MGAT5: variants seen among roughly 807,000 people sequenced by gnomAD.
MGAT5 encodes the protein alpha-1,6-mannosylglycoprotein 6-beta-N-acetylglucosaminyltransferase A.
Under a neutral mutation model 94.3 loss-of-function variants are expected in MGAT5, and 30 were observed. The ratio of observed to expected loss-of-function variants is 0.32; its 90% CI spans 0.24 to 0.43. The LOEUF is 0.43. MGAT5 is among the 20% of genes least tolerant of loss of function. The pLI, the probability that MGAT5 is intolerant of heterozygous loss-of-function variation, is 1.00. For missense variants in MGAT5, 691 were observed against 905.5 expected (o/e 0.76, Z 3.04); for synonymous variants, 310 against 322.9 (o/e 0.96, Z 0.43).
At chr2:134,197,153 A>G (rs931940905) in intron 1 of MGAT5, among the ~76,000 whole-genome samples, 5 of 152,074 alleles carry the variant, frequency 3.3e-5, no homozygotes, top group Non-Finnish European at 7.4e-5. Context: ...GCCTTTAGGA[A>G]CTCTGCAGAT....
At chr2:134,134,341 A>G (rs1686310323) in intron 1 of MGAT5, among the ~76,000 whole-genome samples, 1 of 152,044 alleles carries the variant, frequency 6.6e-6, no homozygotes, top group Non-Finnish European at 1.5e-5. Flanking sequence ...GAAGGAGAGA[A>G]CTCACATTAG....
At chr2:134,443,699 C>T (rs139336022) in intron 15 of MGAT5, among the ~76,000 whole-genome samples, 2 of 152,284 alleles carry the variant, frequency 1.3e-5, no homozygotes, top group African/African-American at 4.8e-5. Flanking sequence ...AGTTCCACAG[C>T]GCAAATCTTG....
intron 10 of MGAT5, among the ~76,000 whole-genome samples, chr2:134,365,105 G>A (rs1360843387): frequency 6.6e-6 from 1 of 152,134 alleles, no homozygotes; most frequent in Non-Finnish European, 1.5e-5. Context: ...GGGAGGTTTA[G>A]GATTGCAACT....
chr2:134,156,236 T>G (rs1198705695), intron 1 of MGAT5, among the ~76,000 whole-genome samples: 6 of 152,200 alleles, frequency 3.9e-5, no homozygotes, highest in Non-Finnish European at 8.8e-5. Context: ...AATACATTTC[T>G]AGGTCACAGG....
chr2:134,381,482 GAA>G (rs1681607638), intron 10 of MGAT5, among the ~76,000 whole-genome samples: 6 of 138,974 alleles, frequency 4.3e-5, no homozygotes, highest in African/African-American at 7.7e-5. Flanking sequence ...GGTAGGTAGA[GAA>G]ATAGACAGAC....
chr2:134,139,372 G>A (rs1686562763), intron 1 of MGAT5, among the ~76,000 whole-genome samples: 1 of 151,642 alleles, frequency 6.6e-6, no homozygotes, highest in Non-Finnish European at 1.5e-5. Flanking sequence ...TACTACTCTT[G>A]TTTTTAGCAC....
chr2:134,398,707 AG>A (rs1682855866), intron 10 of MGAT5, among the ~76,000 whole-genome samples: 1 of 151,246 alleles, frequency 6.6e-6, no homozygotes, highest in South Asian at 2.1e-4. Context: ...GAATGGATAA[AG>A]AAAATATGTA....
chr2:134,252,138 GC>G (rs1682644364), upstream of MGAT5, among the ~76,000 whole-genome samples: 1 of 152,158 alleles, frequency 6.6e-6, no homozygotes, highest in African/African-American at 2.4e-5. Flanking sequence ...AACACTGCAG[GC>G]TGGAGCCCTG....
chr2:134,133,659 G>A (rs754822874), intron 1 of MGAT5, among the ~76,000 whole-genome samples: 12 of 152,196 alleles, frequency 7.9e-5, no homozygotes, highest in Non-Finnish European at 1.5e-4. Flanking sequence ...AGAGAAACTG[G>A]GTTGCAGCAG....
chr2:134,217,238 G>GGTGTGTGTGT (rs35795776), intron 1 of MGAT5, among the ~76,000 whole-genome samples: 5,251 of 145,164 alleles, frequency 0.036, 147 homozygotes, highest in South Asian at 0.065. Context: ...GAGAGAGAGT[G>GGTGTGTGTGT]GTGTGTGTGT....
intron 1 of MGAT5, among the ~76,000 whole-genome samples, chr2:134,218,327 G>A (rs1236644856): frequency 1.3e-5 from 2 of 149,354 alleles, no homozygotes; most frequent in African/African-American, 5.1e-5. Context: ...TTAATTCAAC[G>A]TATCAGTTAA....
chr2:134,254,818 G>A (rs1682831685), intron 1 of MGAT5, among the ~76,000 whole-genome samples, 174 bp downstream of exon 1: 1 of 152,164 alleles, frequency 6.6e-6, no homozygotes, highest in Admixed American at 6.5e-5. Flanking sequence ...GCCATTTTGG[G>A]GGTTCTGAGC....
At chr2:134,208,243 AGT>A (rs1680115682) in intron 1 of MGAT5, among the ~76,000 whole-genome samples, 1 of 152,014 alleles carries the variant, frequency 6.6e-6, no homozygotes, top group Non-Finnish European at 1.5e-5. Flanking sequence ...TATTTTCTTC[AGT>A]TTATCCTGCA....
chr2:134,307,675 C>A (rs1686414237), intron 2 of MGAT5, among the ~76,000 whole-genome samples: 1 of 152,148 alleles, frequency 6.6e-6, no homozygotes, highest in South Asian at 2.1e-4. Flanking sequence ...TCCCGCTCTG[C>A]TCTCCTGTGC....
chr2:134,216,046 T>C (rs1329963551), intron 1 of MGAT5, among the ~76,000 whole-genome samples: 4 of 152,194 alleles, frequency 2.6e-5, no homozygotes, highest in Non-Finnish European at 4.4e-5. Flanking sequence ...ATTATTAACT[T>C]TTCAGAAAGG....
At position 134,319,301 on chromosome 2, in the gene MGAT5, A is replaced by G. The variant is rs149518834; in HGVS notation, c.573+562A>G. Among the ~76,000 whole-genome samples, 379 of 152,302 alleles carry G rather than the reference A, an allele frequency of 2.5e-3. 6 individuals carry two copies. The highest frequency in any genetic ancestry group is 0.023 in the East Asian group (118 of 5,176). On this transcript the variant is annotated intron_variant, in intron 4 of 15. Transcript: ENST00000281923. ...AGTGTGCAAGCATTTTAATGTCTTC[A>G]TATTCTCACCTACACTTGTTATTTT...
intron 12 of MGAT5, 52 bp from the exon 13 acceptor site, chr2:134,422,751 C>T (rs1165515494): frequency 7.3e-7 from 1 of 1,373,620 alleles, no homozygotes; most frequent in East Asian, 2.3e-5. Flanking sequence ...CCATCTAGCA[C>T]AGGTTATTTT....
In MGAT5 at chr2:134,129,765, C is replaced by T. The variant is rs78161962; in HGVS notation, c.-143+9474C>T. ...CTGGCTTATGTAATTGTGAGCCATCCTACTGAGAGGTGACAATGTGCTAGC... is the reference window on the plus strand; with the variant it reads ...CTGGCTTATGTAATTGTGAGCCATCTTACTGAGAGGTGACAATGTGCTAGC... On this transcript the variant is annotated intron_variant, in intron 1 of 16. Transcript: ENST00000409645. Among the ~76,000 whole-genome samples the T allele has an allele frequency of 7.8e-4, 118 of 151,912 alleles. 2 individuals are homozygous for T. In the East Asian group the frequency reaches 0.021, roughly 27 times the overall value.
intron 1 of MGAT5, among the ~76,000 whole-genome samples, chr2:134,180,024 C>T (rs1476700396): frequency 6.6e-6 from 1 of 152,210 alleles, no homozygotes; most frequent in Non-Finnish European, 1.5e-5. Context: ...AGCACCGTGA[C>T]AATTTACAAA....
Sources: gnomAD v4.1 joint callset for allele counts (sites outside exome capture counted in the v4.1 genomes callset) on GRCh38, gnomAD v4.1.1 for gene constraint, MANE v1.5 for transcripts, NCBI Gene and HGNC (gene_info 2026-07-23, HGNC 2026-07-21) for gene names.